PTPRG: variants seen among roughly 807,000 people sequenced by gnomAD.
The protein encoded by PTPRG is receptor-type tyrosine-protein phosphatase gamma.
In PTPRG, 102 loss-of-function variants were observed where a neutral mutation model predicts 165.3. The observed-to-expected ratio is 0.62, with a 90% CI of 0.53 to 0.73. The LOEUF (loss-of-function observed/expected upper bound fraction) is 0.73, where lower values mean the gene tolerates loss of function less well. PTPRG is among the 30% of genes least tolerant of loss of function. The pLI, the probability that PTPRG is intolerant of heterozygous loss-of-function variation, is 0.00. For missense variants in PTPRG, 1,866 were observed against 1,861.4 expected (o/e 1.00, Z -0.05); for synonymous variants, 675 against 669.5 (o/e 1.01, Z -0.13).
intron 1 of PTPRG, among the ~76,000 whole-genome samples, chr3:61,678,036 C>A (rs1002151330): frequency 6.6e-6 from 1 of 152,128 alleles, no homozygotes; most frequent in African/African-American, 2.4e-5. Flanking sequence ...GGGGCAGAGT[C>A]CTGATGTTGG....
chr3:62,220,550 G>A (rs910099285), intron 13 of PTPRG, among the ~76,000 whole-genome samples: 2 of 152,158 alleles, frequency 1.3e-5, no homozygotes, highest in African/African-American at 2.4e-5. Context: ...AATAAGGAAG[G>A]AGGTCATCTC....
chr3:61,894,368 T>G (rs1204518895), intron 2 of PTPRG, among the ~76,000 whole-genome samples: 2 of 129,932 alleles, frequency 1.5e-5, no homozygotes, highest in African/African-American at 5.8e-5. Flanking sequence ...GCTGGAGGAG[T>G]TGGAAACTAT....
intron 4 of PTPRG, among the ~76,000 whole-genome samples, chr3:62,010,093 A>AT (rs1330488423): frequency 1.3e-5 from 2 of 151,850 alleles, no homozygotes; most frequent in East Asian, 1.9e-4. Flanking sequence ...AATGTTTTTT[A>AT]TTTTTTGTAG....
intron 5 of PTPRG, among the ~76,000 whole-genome samples, chr3:62,126,805 C>T (rs1576035768): frequency 6.6e-6 from 1 of 152,218 alleles, no homozygotes; most frequent in Admixed American, 6.5e-5. Context: ...CTTTGCCATT[C>T]ATCACTCTCA....
At chr3:61,920,420 G>A (rs1015013045) in intron 2 of PTPRG, among the ~76,000 whole-genome samples, 2 of 151,956 alleles carry the variant, frequency 1.3e-5, no homozygotes, top group African/African-American at 2.4e-5. Context: ...TTTTTGAGAC[G>A]GAGTCTTGCT....
intron 2 of PTPRG, among the ~76,000 whole-genome samples, chr3:61,918,649 A>G (rs1005558978): frequency 4.6e-5 from 7 of 152,206 alleles, no homozygotes; most frequent in African/African-American, 1.7e-4. Context: ...TGGCCAAGAA[A>G]GGTGGCAAGG....
At chr3:61,954,138 C>T (rs57786052) in intron 2 of PTPRG, among the ~76,000 whole-genome samples, 42,339 of 151,966 alleles carry the variant, frequency 0.28, 6,065 homozygotes, top group South Asian at 0.43. Flanking sequence ...TTGCTGACTT[C>T]AGCACCTAAA....
At chr3:62,162,586 A>G (rs796399268) in intron 7 of PTPRG, among the ~76,000 whole-genome samples, 12 of 152,288 alleles carry the variant, frequency 7.9e-5, no homozygotes, top group African/African-American at 2.9e-4. Flanking sequence ...CATGCCTCCC[A>G]GTTCTTTCTG....
chr3:62,232,085 T>C (rs1700917004), intron 14 of PTPRG, among the ~76,000 whole-genome samples: 1 of 152,194 alleles, frequency 6.6e-6, no homozygotes, highest in African/African-American at 2.4e-5. Context: ...CCCTTTTTAC[T>C]TTCAATGAAC....
intron 3 of PTPRG, among the ~76,000 whole-genome samples, chr3:61,995,583 G>T (rs546271832): frequency 6.6e-6 from 1 of 151,894 alleles, no homozygotes; most frequent in Non-Finnish European, 1.5e-5. Flanking sequence ...GTGTGTGAGG[G>T]GGGTGTGGGT....
chr3:61,929,886 A>C (rs1019403326), intron 2 of PTPRG, among the ~76,000 whole-genome samples: 1 of 152,252 alleles, frequency 6.6e-6, no homozygotes, highest in African/African-American at 2.4e-5. Context: ...CCATATGCAC[A>C]GAGAGTCGTG....
chr3:61,843,445 T>C (rs1016296437), intron 2 of PTPRG, among the ~76,000 whole-genome samples: 3 of 152,112 alleles, frequency 2.0e-5, no homozygotes. Flanking sequence ...ATGAATACAA[T>C]GTAAGATAGT....
chr3:62,183,449 A>G (rs1705738776), intron 8 of PTPRG, among the ~76,000 whole-genome samples: 1 of 152,018 alleles, frequency 6.6e-6, no homozygotes, highest in Non-Finnish European at 1.5e-5. Context: ...CTGTAATCTC[A>G]GCTACTTGGG....
chr3:62,262,981 C>A, intron 17 of PTPRG, 87 bp downstream of exon 17: 1 of 932,222 alleles, frequency 1.1e-6, no homozygotes, highest in Non-Finnish European at 1.7e-6. Flanking sequence ...CAGTCAGAAG[C>A]AGGATGCCAA....
At chr3:62,246,927 A>G (rs1437624827) in intron 15 of PTPRG, among the ~76,000 whole-genome samples, 2 of 152,146 alleles carry the variant, frequency 1.3e-5, no homozygotes. Flanking sequence ...CATAACTAGT[A>G]AACTGAATCA....
At chr3:61,758,726 G>A (rs561102629) in intron 2 of PTPRG, among the ~76,000 whole-genome samples, 2 of 151,992 alleles carry the variant, frequency 1.3e-5, no homozygotes, top group Admixed American at 6.6e-5. Flanking sequence ...GTGCCACCAC[G>A]CTCGGCTTCA....
Position 61,676,940 on chromosome 3 carries a change from A to G in PTPRG, c.86-71938A>G, listed in dbSNP as rs115988793. Among the ~76,000 whole-genome samples, 1,519 of 152,230 alleles carry G rather than the reference A, an allele frequency of 1.0e-2. 24 individuals carry two copies. Among genetic ancestry groups the G allele is most frequent in the African/African-American group, 0.034 (1,430 of 41,538 alleles). On this transcript the variant is annotated intron_variant, in intron 1 of 29. Coordinates refer to ENST00000474889, the MANE Select transcript of PTPRG (RefSeq NM_002841.4). ...TCCAGTTAGCCTGGGTAAAAACAAT[A>G]CATTAAGAATCACTACCTCTTCTTA...
intron 12 of PTPRG, among the ~76,000 whole-genome samples, chr3:62,206,266 G>A (rs985913538): frequency 6.6e-6 from 1 of 152,096 alleles, no homozygotes; most frequent in Non-Finnish European, 1.5e-5. Flanking sequence ...AAACTTTGGG[G>A]GCTCCCTACT....
intron 2 of PTPRG, among the ~76,000 whole-genome samples, chr3:61,773,709 G>A (rs1396586784): frequency 6.6e-6 from 1 of 151,860 alleles, no homozygotes; most frequent in Non-Finnish European, 1.5e-5. Context: ...AAGAGCCTAG[G>A]ATGCTGTGTA....
Sources: allele counts gnomAD v4.1 joint callset (sites outside exome capture counted in the v4.1 genomes callset), GRCh38; gene constraint gnomAD v4.1.1; transcripts MANE v1.5; gene names NCBI Gene and HGNC (gene_info 2026-07-23, HGNC 2026-07-21).